RASGRF2: variants seen among roughly 807,000 people sequenced by gnomAD.
RASGRF2 encodes the protein Ras protein specific guanine nucleotide releasing factor 2, also known as ras-specific guanine nucleotide-releasing factor 2.
Under a neutral mutation model 151.0 loss-of-function variants are expected in RASGRF2, and 76 were observed. The observed-to-expected ratio is 0.50, with a 90% CI of 0.42 to 0.61. RASGRF2 has a LOEUF of 0.61. RASGRF2 is among the 20% of genes least tolerant of loss of function. The pLI, the probability that RASGRF2 is intolerant of heterozygous loss-of-function variation, is 0.00. For synonymous variants in RASGRF2, 504 were observed against 566.5 expected (o/e 0.89, Z 1.57); for missense variants, 1,148 against 1,564.6 (o/e 0.73, Z 4.49).
intron 26 of RASGRF2, among the ~76,000 whole-genome samples, chr5:81,220,714 C>T (rs1755839134): frequency 6.6e-6 from 1 of 152,168 alleles, no homozygotes; most frequent in Non-Finnish European, 1.5e-5. Context: ...ATGATCCTCC[C>T]GCCTCTGCCT....
chr5:81,184,588 A>T (rs1299583080), intron 18 of RASGRF2, among the ~76,000 whole-genome samples: 1 of 152,248 alleles, frequency 6.6e-6, no homozygotes, highest in African/African-American at 2.4e-5. Context: ...CACTGGCGCC[A>T]TCAGGCTCTG....
At chr5:81,213,808 A>C (rs1217416512) in intron 23 of RASGRF2, among the ~76,000 whole-genome samples, 1 of 152,196 alleles carries the variant, frequency 6.6e-6, no homozygotes, top group Non-Finnish European at 1.5e-5. Context: ...TTTTCTGTCA[A>C]CAATGGACCT....
chr5:81,094,273 G>A, intron 10 of RASGRF2, 23 bp from the exon 11 acceptor site: 1 of 1,602,750 alleles, frequency 6.2e-7, no homozygotes. Flanking sequence ...CAGCGTCTTA[G>A]TGAAAAATTG....
At chr5:81,096,842 T>A (rs1752561370) in intron 12 of RASGRF2, among the ~76,000 whole-genome samples, 1 of 152,196 alleles carries the variant, frequency 6.6e-6, no homozygotes, top group Admixed American at 6.5e-5. Flanking sequence ...TCCTCCTTAT[T>A]TCTCCAAGAT....
chr5:81,067,648 C>T (rs189715973), intron 2 of RASGRF2, among the ~76,000 whole-genome samples: 4 of 152,174 alleles, frequency 2.6e-5, no homozygotes, highest in Admixed American at 1.3e-4. Context: ...ATATCTTACT[C>T]GGTGAAATAT....
chr5:81,101,958 C>T (rs889851100), intron 12 of RASGRF2, among the ~76,000 whole-genome samples: 3 of 152,194 alleles, frequency 2.0e-5, no homozygotes, highest in South Asian at 4.1e-4. Context: ...ACGTTTATCT[C>T]AAGTTCCAAT....
intron 17 of RASGRF2, among the ~76,000 whole-genome samples, chr5:81,166,342 G>A (rs1053331489): frequency 4.0e-5 from 6 of 151,786 alleles, no homozygotes; most frequent in South Asian, 2.1e-4. Flanking sequence ...CGCGTGCCAC[G>A]ACACCTGGCT....
chr5:81,201,486 C>G (rs746514018), intron 19 of RASGRF2, 44 bp downstream of exon 19: 2 of 1,572,762 alleles, frequency 1.3e-6, no homozygotes, highest in Admixed American at 3.7e-5. Flanking sequence ...TTGGTTGATT[C>G]CTGCTATGTT....
chr5:81,016,600 A>G (rs1749643878), intron 1 of RASGRF2, among the ~76,000 whole-genome samples: 1 of 152,218 alleles, frequency 6.6e-6, no homozygotes, highest in Non-Finnish European at 1.5e-5. Flanking sequence ...GCCAAACTCC[A>G]TGAGCTGGAT....
At position 81,086,686 on chromosome 5, in the gene RASGRF2, C is replaced by G. The variant is rs763283105; in HGVS notation, c.1272-149C>G. On this transcript the variant is annotated intron_variant, in intron 8 of 26. Coordinates refer to ENST00000265080, the MANE Select transcript of RASGRF2 (RefSeq NM_006909.3). ...TGTTTTTGGTCATGACCTGTTGAAG[C>G]CTGGAAAGATCCAGCCTATTTCCCC... 47 of 644,386 alleles carry G rather than the reference C, an allele frequency of 7.3e-5. No homozygotes were observed. The Admixed American group carries it at 8.4e-4, about 12-fold the overall frequency. The allele number at this position is 644,386 out of a possible 1,614,324, so 39.9% of individuals were successfully genotyped here. A position where few individuals can be genotyped will look rare whatever the true frequency, so the allele number is the denominator to read the frequency against.
At chr5:81,123,115 G>A (rs27513) in intron 15 of RASGRF2, among the ~76,000 whole-genome samples, 51,781 of 151,946 alleles carry the variant, frequency 0.34, 9,438 homozygotes, top group African/African-American at 0.46. Flanking sequence ...TTTAGTTAAT[G>A]TAAATTTACA....
intron 1 of RASGRF2, among the ~76,000 whole-genome samples, chr5:80,977,130 A>G (rs1411949051): frequency 6.6e-6 from 1 of 152,200 alleles, no homozygotes; most frequent in African/African-American, 2.4e-5. Context: ...ACATGAGTAT[A>G]GAAATTTATT....
intron 17 of RASGRF2, among the ~76,000 whole-genome samples, chr5:81,177,262 AG>A (rs894586908): frequency 1.4e-4 from 21 of 152,312 alleles, no homozygotes; most frequent in African/African-American, 5.1e-4. Flanking sequence ...TAATAACAAA[AG>A]ATTTTTTTTC....
chr5:80,980,524 C>T (rs533670036), intron 1 of RASGRF2, among the ~76,000 whole-genome samples: 1 of 152,282 alleles, frequency 6.6e-6, no homozygotes, highest in African/African-American at 2.4e-5. Flanking sequence ...CGCCTATAAT[C>T]CCAGCTACTC....
intron 15 of RASGRF2, among the ~76,000 whole-genome samples, chr5:81,115,759 C>T (rs747590443): frequency 4.0e-4 from 61 of 152,170 alleles, no homozygotes; most frequent in Admixed American, 5.9e-4. Flanking sequence ...GAGTGAGCCT[C>T]TTCTCTGTGC....
chr5:80,968,799 T>A (rs1440251734), intron 1 of RASGRF2, among the ~76,000 whole-genome samples: 2 of 152,188 alleles, frequency 1.3e-5, no homozygotes, highest in East Asian at 3.9e-4. Context: ...TCCTCCTTCC[T>A]CAGCCTCCCA....
intron 5 of RASGRF2, among the ~76,000 whole-genome samples, chr5:81,078,779 C>T (rs191339298): frequency 6.6e-6 from 1 of 152,162 alleles, no homozygotes; most frequent in Non-Finnish European, 1.5e-5. Flanking sequence ...AGTTTGTGTT[C>T]AACATAGGAC....
At chr5:80,986,832 A>G (rs1015452100) in intron 1 of RASGRF2, among the ~76,000 whole-genome samples, 2 of 152,056 alleles carry the variant, frequency 1.3e-5, no homozygotes, top group African/African-American at 2.4e-5. Flanking sequence ...GTTTCTCTAA[A>G]TTGGTCAGAT....
At chr5:81,085,345 A>C (rs6869328) in intron 7 of RASGRF2, among the ~76,000 whole-genome samples, 14,234 of 152,242 alleles carry the variant, frequency 0.093, 772 homozygotes, top group African/African-American at 0.15. Context: ...AAAGTAATAA[A>C]GGTGAACATG....
Sources: allele counts gnomAD v4.1 joint callset (sites outside exome capture counted in the v4.1 genomes callset), GRCh38; gene constraint gnomAD v4.1.1; transcripts MANE v1.5; gene names NCBI Gene and HGNC (gene_info 2026-07-23, HGNC 2026-07-21).